SFXN5: variants seen among roughly 807,000 people sequenced by gnomAD.
SFXN5 encodes sideroflexin-5.
Under a neutral mutation model 50.2 loss-of-function variants are expected in SFXN5, and 43 were observed. The observed-to-expected ratio is 0.86, with a 90% confidence interval of 0.67 to 1.11. SFXN5 has a LOEUF of 1.11. Among genes scored for constraint, SFXN5 ranks in the 50% least tolerant of loss-of-function variants. SFXN5 has a pLI of 0.00. For missense variants in SFXN5, 463 were observed against 454.1 expected (o/e 1.02, Z -0.18); for synonymous variants, 203 against 185.8 (o/e 1.09, Z -0.75).
At chr2:73,043,505 G>C (rs1047594500) in intron 2 of SFXN5, among the ~76,000 whole-genome samples, 1 of 152,202 alleles carries the variant, frequency 6.6e-6, no homozygotes, top group African/African-American at 2.4e-5. Flanking sequence ...ACTGGTGTAA[G>C]CCAGGCCTGG....
At chr2:73,048,498 G>A (rs1355143067) in intron 2 of SFXN5, among the ~76,000 whole-genome samples, 1 of 152,230 alleles carries the variant, frequency 6.6e-6, no homozygotes, top group African/African-American at 2.4e-5. Flanking sequence ...TTATAGGCAT[G>A]AGCCACTGTG....
At chr2:72,949,595 C>T (rs1292345409) in intron 13 of SFXN5, among the ~76,000 whole-genome samples, 1 of 151,976 alleles carries the variant, frequency 6.6e-6, no homozygotes, top group African/African-American at 2.4e-5. Context: ...AGGCATGAGC[C>T]ACCGTGCCTG....
At chr2:73,032,345 C>G (rs1450648277) in intron 3 of SFXN5, among the ~76,000 whole-genome samples, 1 of 152,246 alleles carries the variant, frequency 6.6e-6, no homozygotes, top group African/African-American at 2.4e-5. Flanking sequence ...GCTTTGATCC[C>G]TTGGGACTTA....
chr2:73,038,732 G>A (rs1679258993), intron 3 of SFXN5, among the ~76,000 whole-genome samples: 1 of 152,096 alleles, frequency 6.6e-6, no homozygotes, highest in South Asian at 2.1e-4. Flanking sequence ...TACTTAGCTT[G>A]AAACACAAAC....
intron 1 of SFXN5, among the ~76,000 whole-genome samples, chr2:73,064,656 C>T (rs1683049052): frequency 6.6e-6 from 1 of 152,216 alleles, no homozygotes; most frequent in African/African-American, 2.4e-5. Context: ...ATTTGTCTGC[C>T]CAGCAAGCTC....
rs1426474261 is a variant in SFXN5 at position 73,040,940 on chromosome 2, G to A, written c.172-9C>T. The stretch of plus-strand genomic sequence containing the variant: ...GCCTCTCTGAGACGTCTCTGCAGAA[G>A]AAAGAAAAGAGACATTGAGGGGCAC... On this transcript the variant is annotated splice_polypyrimidine_tract_variant and intron_variant, in intron 2 of 13. Coordinates refer to ENST00000272433, the MANE Select transcript of SFXN5 (RefSeq NM_144579.3). 1 of 1,610,836 alleles carries A rather than the reference G, an allele frequency of 6.2e-7. No homozygotes were observed. Among genetic ancestry groups the A allele is most frequent in the African/African-American group, 1.3e-5 (1 of 74,852 alleles).
chr2:72,971,700 G>T lies in SFXN5; in HGVS notation c.626-15C>A. On this transcript the variant is annotated splice_polypyrimidine_tract_variant and intron_variant, in intron 10 of 13. Coordinates refer to ENST00000272433, the MANE Select transcript of SFXN5 (RefSeq NM_144579.3). ...ATTGGCACTGGCTGCAGAGAGAGGG[G>T]ATGCAGAGAGCAGGATGAGGAGGAA... The T allele has an allele frequency of 6.3e-7, 1 of 1,593,086 alleles. No individual in the cohort carries two copies. Among genetic ancestry groups the T allele is most frequent in the Non-Finnish European group, 8.6e-7 (1 of 1,161,108 alleles).
At position 72,989,069 on chromosome 2, in the gene SFXN5, T is replaced by C. The variant is rs117739079; in HGVS notation, c.535-721A>G. On this transcript the variant is annotated intron_variant, in intron 9 of 13. Transcript: ENST00000272433. The stretch of plus-strand genomic sequence containing the variant: ...CATGTGTGCCACACCAGCTCCTCTC[T>C]ATGACCAACGTGTCTGAGAAAGTGT... 3.0e-4 allele frequency among the ~76,000 whole-genome samples: 46 copies of C among 152,304 alleles called. 1 individual carries two copies. The East Asian group carries it at 8.9e-3, about 29-fold the overall frequency.
chr2:72,974,478 GA>G (rs557251591), intron 10 of SFXN5, among the ~76,000 whole-genome samples: 1 of 151,596 alleles, frequency 6.6e-6, no homozygotes, highest in African/African-American at 2.4e-5. Flanking sequence ...TGCCTGAATG[GA>G]AAAAAAACAG....
chr2:72,976,227 C>T (rs1263575267), intron 10 of SFXN5, among the ~76,000 whole-genome samples: 2 of 152,022 alleles, frequency 1.3e-5, no homozygotes, highest in African/African-American at 4.8e-5. Flanking sequence ...CACTTTTTTA[C>T]ACCAGAATTT....
chr2:73,029,068 A>G (rs1677965288), intron 3 of SFXN5, among the ~76,000 whole-genome samples: 1 of 152,160 alleles, frequency 6.6e-6, no homozygotes, highest in Non-Finnish European at 1.5e-5. Context: ...GCCTCCTGGG[A>G]CCGGGTGCTG....
intron 10 of SFXN5, among the ~76,000 whole-genome samples, chr2:72,972,590 A>C (rs1386137293): frequency 6.6e-6 from 1 of 151,930 alleles, no homozygotes; most frequent in Non-Finnish European, 1.5e-5. Flanking sequence ...GACTCACATG[A>C]CTGGGCCAGG....
At chr2:72,995,280 TA>T (rs1673081759) in intron 9 of SFXN5, among the ~76,000 whole-genome samples, 1 of 152,230 alleles carries the variant, frequency 6.6e-6, no homozygotes, top group Non-Finnish European at 1.5e-5. Flanking sequence ...CTTCCTTTGT[TA>T]AAAGACAGCA....
rs1574136742 is a variant in SFXN5, at chr2:73,020,223, T to C, written c.357+16A>G. The C allele has an allele frequency of 6.2e-7, 1 of 1,612,762 alleles. No homozygotes were observed. The highest frequency in any genetic ancestry group is 8.5e-7 in the Non-Finnish European group (1 of 1,179,048). On this transcript the variant is annotated intron_variant, in intron 6 of 13. Coordinates refer to ENST00000272433, the MANE Select transcript of SFXN5 (RefSeq NM_144579.3). ...TAATTTTTTAGAAAAGGAAATCCTTTGAAGGTAACACTTACAATTGGCGTC... is the reference window on the plus strand; with the variant it reads ...TAATTTTTTAGAAAAGGAAATCCTTCGAAGGTAACACTTACAATTGGCGTC...
intron 12 of SFXN5, 92 bp downstream of exon 12, chr2:72,968,356 C>A (rs1674706587): frequency 8.3e-7 from 1 of 1,203,018 alleles, no homozygotes; most frequent in East Asian, 2.6e-5. Flanking sequence ...CTTCCTGCCA[C>A]CCCCTCATCT....
chr2:73,041,104 C>T (rs1470700376), intron 2 of SFXN5, among the ~76,000 whole-genome samples, 173 bp from the exon 3 acceptor site: 1 of 152,138 alleles, frequency 6.6e-6, no homozygotes, highest in East Asian at 1.9e-4. Flanking sequence ...TGTTCTTACT[C>T]GGCAGTTTAA....
At chr2:72,993,247 C>T (rs1672827988) in intron 9 of SFXN5, among the ~76,000 whole-genome samples, 1 of 152,104 alleles carries the variant, frequency 6.6e-6, no homozygotes, top group African/African-American at 2.4e-5. Flanking sequence ...GCTGAAGTAC[C>T]AAAAATATCC....
At chr2:73,038,780 G>C (rs1357902817) in intron 3 of SFXN5, among the ~76,000 whole-genome samples, 1 of 151,838 alleles carries the variant, frequency 6.6e-6, no homozygotes, top group Non-Finnish European at 1.5e-5. Flanking sequence ...TCCTTATTCT[G>C]TAAGTTTTCT....
rs759715566 is a variant in SFXN5, at chr2:72,971,565, C to T, written c.741+5G>A. Reference sequence around the variant, plus strand: ...CTCCCCAACCCTGCGAACCCCCAGACCCACGTGTCGGGCTGCGATCTTGGA... The same window carrying T: ...CTCCCCAACCCTGCGAACCCCCAGATCCACGTGTCGGGCTGCGATCTTGGA... On this transcript the variant is annotated splice_donor_5th_base_variant and intron_variant, in intron 11 of 13. Coordinates refer to ENST00000272433, the MANE Select transcript of SFXN5 (RefSeq NM_144579.3). 2.7e-5 allele frequency: 44 copies of T among 1,612,248 alleles called. No homozygotes were observed. The highest frequency in any genetic ancestry group is 3.3e-4 in the Middle Eastern group (2 of 6,074).
Sources: gnomAD v4.1 joint callset for allele counts (sites outside exome capture counted in the v4.1 genomes callset) on GRCh38, gnomAD v4.1.1 for gene constraint, MANE v1.5 for transcripts, NCBI Gene and HGNC (gene_info 2026-07-23, HGNC 2026-07-21) for gene names.